Variants in PRR16 observed in about 807,000 individuals in gnomAD.
PRR16 encodes the protein protein Largen.
Under a neutral mutation model 18.2 loss-of-function variants are expected in PRR16, and 6 were observed. The ratio of observed to expected loss-of-function variants is 0.33; its 90% CI spans 0.18 to 0.65. The LOEUF is 0.65. Among genes scored for constraint, PRR16 ranks in the 30% least tolerant of loss-of-function variants. PRR16 has a pLI of 0.74. For missense variants in PRR16, 412 were observed against 376.6 expected, an observed-to-expected ratio of 1.09 and a Z score of -0.78; for synonymous variants, 151 against 147.8, an observed-to-expected ratio of 1.02 and a Z score of -0.16.
At chr5:120,510,994 C>T (rs1750808451) in intron 1 of PRR16, among the ~76,000 whole-genome samples, 1 of 152,100 alleles carries the variant, frequency 6.6e-6, no homozygotes, top group Non-Finnish European at 1.5e-5. Context: ...TCAGCTTTGC[C>T]ATCTCAGAAA....
At chr5:120,570,769 A>G (rs1004328651) in intron 1 of PRR16, among the ~76,000 whole-genome samples, 2 of 152,182 alleles carry the variant, frequency 1.3e-5, no homozygotes, top group Non-Finnish European at 2.9e-5. Context: ...ATAATAAATT[A>G]TTATATGAAA....
At chr5:120,688,549 A>C (rs1757173823), downstream of PRR16, among the ~76,000 whole-genome samples, 1 of 152,198 alleles carries the variant, frequency 6.6e-6, no homozygotes, top group Admixed American at 6.5e-5. Context: ...ATATAAATAA[A>C]GCCAGGGTTT....
At chr5:120,639,933 T>C (rs56043176) in intron 1 of PRR16, among the ~76,000 whole-genome samples, 16,299 of 151,986 alleles carry the variant, frequency 0.11, 2,595 homozygotes, top group African/African-American at 0.34. Context: ...ATATGGTCCC[T>C]ATACACCATG....
intron 1 of PRR16, among the ~76,000 whole-genome samples, chr5:120,592,165 C>T (rs540226383): frequency 5.3e-5 from 8 of 152,254 alleles, no homozygotes; most frequent in African/African-American, 1.4e-4. Context: ...TCATACTACC[C>T]TTCCATAAAT....
the PRR16 span, among the ~76,000 whole-genome samples, chr5:120,750,082 G>T: frequency 1.3e-5 from 2 of 152,080 alleles, no homozygotes; most frequent in Non-Finnish European, 2.9e-5. Flanking sequence ...GAAAAATTGG[G>T]TACCTTTACG....
intron 1 of PRR16, among the ~76,000 whole-genome samples, chr5:120,550,224 T>C (rs1752210942): frequency 1.3e-5 from 2 of 152,056 alleles, no homozygotes. Context: ...AATATGAAGT[T>C]CGAGACATCC....
chr5:120,669,770 T>C (rs1756531376), intron 1 of PRR16, among the ~76,000 whole-genome samples: 1 of 152,066 alleles, frequency 6.6e-6, no homozygotes, highest in African/African-American at 2.4e-5. Flanking sequence ...AAGAAAAAAG[T>C]GTTTCTAGAT....
At chr5:120,555,633 A>G (rs1472404170) in intron 1 of PRR16, among the ~76,000 whole-genome samples, 1 of 151,710 alleles carries the variant, frequency 6.6e-6, no homozygotes, top group Non-Finnish European at 1.5e-5. Context: ...AAACCTAATT[A>G]CTTCCCAAAG....
intron 1 of PRR16, among the ~76,000 whole-genome samples, chr5:120,530,012 T>C (rs1751492687): frequency 6.6e-6 from 1 of 151,274 alleles, no homozygotes; most frequent in Non-Finnish European, 1.5e-5. Flanking sequence ...TGTTGTAACA[T>C]ATTTGTTTCA....
the PRR16 span, among the ~76,000 whole-genome samples, chr5:120,759,273 G>A: frequency 2.6e-5 from 4 of 151,990 alleles, no homozygotes; most frequent in East Asian, 7.7e-4. Context: ...ACCACACCCA[G>A]CCTATACCAT....
At chr5:120,552,978 G>A (rs1196613148) in intron 1 of PRR16, among the ~76,000 whole-genome samples, 1 of 151,748 alleles carries the variant, frequency 6.6e-6, no homozygotes, top group East Asian at 1.9e-4. Flanking sequence ...TCAACCCTCT[G>A]GATGACATAG....
the PRR16 span, among the ~76,000 whole-genome samples, chr5:120,710,182 A>AT: frequency 6.6e-6 from 1 of 152,116 alleles, no homozygotes; most frequent in African/African-American, 2.4e-5. Context: ...CTTGGATGAA[A>AT]TGATATATTT....
intron 1 of PRR16, among the ~76,000 whole-genome samples, chr5:120,513,430 A>T (rs1310549208): frequency 6.6e-6 from 1 of 151,958 alleles, no homozygotes; most frequent in Non-Finnish European, 1.5e-5. Flanking sequence ...CTTTTTCTCA[A>T]ACCTCACTCT....
At chr5:120,786,511 T>C in the PRR16 span, among the ~76,000 whole-genome samples, 2 of 142,422 alleles carry the variant, frequency 1.4e-5, no homozygotes, top group Non-Finnish European at 3.1e-5. Context: ...TAGTTTAAAA[T>C]ATTTTAAATT....
the PRR16 span, among the ~76,000 whole-genome samples, chr5:120,750,568 G>A: frequency 6.6e-6 from 1 of 151,984 alleles, no homozygotes; most frequent in Non-Finnish European, 1.5e-5. Context: ...TGAGGAGGCT[G>A]AGGCAGGAGA....
chr5:120,793,125 C>T, the PRR16 span, among the ~76,000 whole-genome samples: 4 of 152,064 alleles, frequency 2.6e-5, no homozygotes, highest in African/African-American at 9.7e-5. Flanking sequence ...GCACTCCAGC[C>T]CAGATGACAG....
intron 1 of PRR16, among the ~76,000 whole-genome samples, chr5:120,468,134 T>C (rs4895254): frequency 0.45 from 67,815 of 151,968 alleles, 15,999 homozygotes; most frequent in African/African-American, 0.57. Context: ...TAAAATGATG[T>C]GTGCTGCATA....
At chr5:120,477,532 A>C (rs569014006) in intron 1 of PRR16, among the ~76,000 whole-genome samples, 1 of 152,318 alleles carries the variant, frequency 6.6e-6, no homozygotes, top group African/African-American at 2.4e-5. Context: ...TCCTGGTCCA[A>C]GCCACACTTT....
chr5:120,686,468 A>C lies in PRR16; in HGVS notation c.674A>C (p.Asn225Thr), dbSNP rs1757127769. ...GYCPDCDTRYNIKNREVHLHS... is the reference protein window; with the variant it reads ...GYCPDCDTRYTIKNREVHLHS... Reference sequence around the variant, plus strand: ...TGTCCTGACTGTGATACCCGGTATAACATAAAAAACAGGGAGGTCCACTTA... The same window carrying C: ...TGTCCTGACTGTGATACCCGGTATACCATAAAAAACAGGGAGGTCCACTTA... The change falls in exon 2 of 2, where the codon AAC becomes ACC. Residue 225 changes from asparagine (N) to threonine (T), a missense_variant. Asn to Thr is a moderately conservative substitution (Grantham distance 65, BLOSUM62 0). Coordinates refer to ENST00000407149, the MANE Select transcript of PRR16 (RefSeq NM_001300783.2). 3 of 1,614,006 alleles carry C rather than the reference A, an allele frequency of 1.9e-6. No individual in the cohort carries two copies. The highest frequency in any genetic ancestry group is 1.3e-5 in the African/African-American group (1 of 74,916).
Sources: gnomAD v4.1 joint callset for allele counts (sites outside exome capture counted in the v4.1 genomes callset) on GRCh38, gnomAD v4.1.1 for gene constraint, MANE v1.5 for transcripts, NCBI Gene and HGNC (gene_info 2026-07-23, HGNC 2026-07-21) for gene names.